SYT9: variants seen among roughly 807,000 people sequenced by gnomAD.
SYT9 encodes the protein synaptotagmin-9.
SYT9 carries 22 observed loss-of-function variants against 48.4 expected under a neutral mutation model. The ratio of observed to expected loss-of-function variants is 0.45; its 90% CI spans 0.32 to 0.65. The LOEUF (loss-of-function observed/expected upper bound fraction) is 0.65, where lower values mean the gene tolerates loss of function less well. Ranked by LOEUF, SYT9 falls within the 30% of genes least tolerant of loss-of-function variation. The pLI, the probability that SYT9 is intolerant of heterozygous loss-of-function variation, is 0.03. For synonymous variants in SYT9, 265 were observed against 245.0 expected (o/e 1.08, Z -0.76); for missense variants, 577 against 622.0 (o/e 0.93, Z 0.77).
intron 2 of SYT9, among the ~76,000 whole-genome samples, chr11:7,311,643 G>A (rs1417705050): frequency 6.6e-6 from 1 of 152,206 alleles, no homozygotes; most frequent in Non-Finnish European, 1.5e-5. Flanking sequence ...CAGAAGGGTG[G>A]GAACTGATGC....
At chr11:7,300,389 G>T (rs911580235) in intron 1 of SYT9, among the ~76,000 whole-genome samples, 1 of 152,202 alleles carries the variant, frequency 6.6e-6, no homozygotes, top group Non-Finnish European at 1.5e-5. Context: ...GGTGGCATGG[G>T]CCATATTCAC....
intron 6 of SYT9, chr11:7,428,056 AAGAG>A (rs1333355293): frequency 6.6e-6 from 1 of 152,192 alleles, no homozygotes. Context: ...TGTAGAAAAA[AAGAG>A]AGAGAGACGG....
At chr11:7,246,318 T>G (rs1471043878) in intron 1 of SYT9, among the ~76,000 whole-genome samples, 3 of 152,206 alleles carry the variant, frequency 2.0e-5, no homozygotes, top group Non-Finnish European at 1.5e-5. Flanking sequence ...TGAGAAGCAC[T>G]GCCTTAGAGA....
At chr11:7,362,615 A>C (rs1433532507) in intron 3 of SYT9, among the ~76,000 whole-genome samples, 1 of 152,228 alleles carries the variant, frequency 6.6e-6, no homozygotes, top group Non-Finnish European at 1.5e-5. Context: ...TTGGTAGGGT[A>C]TGCCATAGTT....
At chr11:7,465,280 A>G (rs1054885109) in intron 6 of SYT9, among the ~76,000 whole-genome samples, 2 of 152,174 alleles carry the variant, frequency 1.3e-5, no homozygotes, top group African/African-American at 2.4e-5. Context: ...ACGGGTCACA[A>G]TCAAACGTGG....
chr11:7,417,738 T>G (rs1847278879), intron 4 of SYT9, among the ~76,000 whole-genome samples: 1 of 152,232 alleles, frequency 6.6e-6, no homozygotes, highest in South Asian at 2.1e-4. Context: ...ACACACATTT[T>G]CAGGAGACAG....
At chr11:7,374,478 C>A (rs1850418520) in intron 3 of SYT9, among the ~76,000 whole-genome samples, 1 of 152,124 alleles carries the variant, frequency 6.6e-6, no homozygotes, top group African/African-American at 2.4e-5. Flanking sequence ...AGTTCTAGAT[C>A]CTTGAGGAAT....
At chr11:7,415,719 T>C (rs375419060) in intron 3 of SYT9, among the ~76,000 whole-genome samples, 45 of 152,132 alleles carry the variant, frequency 3.0e-4, no homozygotes, top group African/African-American at 1.1e-3. Flanking sequence ...GTGAGACTTA[T>C]GCACTGGAGG....
At position 7,409,068 on chromosome 11, in the gene SYT9, A is replaced by C. The variant is rs563492051; in HGVS notation, c.1045-6974A>C. ...TAGATGACCTTTATTATTTTGAGAC[A>C]TGTTCCTTCTGCACTTGGTTTATTG... On this transcript the variant is annotated intron_variant, in intron 3 of 6. Transcript: ENST00000318881. 7.9e-5 allele frequency among the ~76,000 whole-genome samples: 12 copies of C among 152,304 alleles called. No homozygotes were observed. In the South Asian group the frequency reaches 2.3e-3, roughly 29 times the overall value.
intron 1 of SYT9, among the ~76,000 whole-genome samples, chr11:7,263,843 GA>G (rs1848125271): frequency 6.7e-6 from 1 of 149,658 alleles, no homozygotes. Context: ...GAAATTGAGA[GA>G]AAAGAGTATA....
rs530714976 is a variant in SYT9, at chr11:7,294,368, A to T, written c.146-8671A>T. Among the ~76,000 whole-genome samples, 27 of 152,346 alleles carry T rather than the reference A, an allele frequency of 1.8e-4. 1 individual carries two copies. Among genetic ancestry groups the T allele is most frequent in the African/African-American group, 6.3e-4 (26 of 41,582 alleles). On this transcript the variant is annotated intron_variant, in intron 1 of 6. Transcript: ENST00000318881. ...CCCAAAAGTTTTACCTCATTCCAGCATTAACTCTAAAGTCTAAAATCCAGT... is the reference window on the plus strand; with the variant it reads ...CCCAAAAGTTTTACCTCATTCCAGCTTTAACTCTAAAGTCTAAAATCCAGT...
chr11:7,254,222 C>G (rs934420179), intron 1 of SYT9, among the ~76,000 whole-genome samples: 1 of 152,200 alleles, frequency 6.6e-6, no homozygotes, highest in African/African-American at 2.4e-5. Flanking sequence ...TAGCAGTGCT[C>G]TGCTTTCTTA....
At chr11:7,378,119 A>C (rs1351958060) in intron 3 of SYT9, among the ~76,000 whole-genome samples, 1 of 742 alleles carries the variant, frequency 1.3e-3, no homozygotes, top group African/African-American at 0.012. Context: ...TCAAAGATAC[A>C]AAAAAAAAAA....
intron 3 of SYT9, among the ~76,000 whole-genome samples, chr11:7,374,354 A>T (rs2346823): frequency 0.15 from 22,106 of 152,078 alleles, 1,885 homozygotes; most frequent in South Asian, 0.23. Flanking sequence ...AGTCTTTGCT[A>T]TTGTGGATAG....
At chr11:7,400,269 C>G (rs990776879) in intron 3 of SYT9, among the ~76,000 whole-genome samples, 2 of 152,190 alleles carry the variant, frequency 1.3e-5, no homozygotes, top group African/African-American at 4.8e-5. Context: ...CCTGACACAA[C>G]TTCTGTCCTG....
intron 1 of SYT9, among the ~76,000 whole-genome samples, chr11:7,260,162 A>G (rs1407726193): frequency 6.6e-6 from 1 of 152,178 alleles, no homozygotes; most frequent in Admixed American, 6.5e-5. Context: ...TCATTCAAAG[A>G]TACATTAGAC....
chr11:7,260,046 A>G (rs1352778976), intron 1 of SYT9, among the ~76,000 whole-genome samples: 1 of 152,080 alleles, frequency 6.6e-6, no homozygotes, highest in Non-Finnish European at 1.5e-5. Flanking sequence ...TGCAGCTGTT[A>G]CTTAACCACG....
chr11:7,260,303 A>T (rs551081576), intron 1 of SYT9, among the ~76,000 whole-genome samples: 15 of 152,344 alleles, frequency 9.8e-5, no homozygotes, highest in African/African-American at 3.6e-4. Context: ...GTGGATCTGC[A>T]GAGGCTTCCT....
At chr11:7,379,559 G>A (rs1023996) in intron 3 of SYT9, among the ~76,000 whole-genome samples, 58,574 of 151,864 alleles carry the variant, frequency 0.39, 12,960 homozygotes, top group East Asian at 0.83. Flanking sequence ...GTTGGTCTTC[G>A]TTCTAATCAT....
Sources: allele counts gnomAD v4.1 joint callset (sites outside exome capture counted in the v4.1 genomes callset), GRCh38; gene constraint gnomAD v4.1.1; transcripts MANE v1.5; gene names NCBI Gene and HGNC (gene_info 2026-07-23, HGNC 2026-07-21).